Variants in GRIN3A observed in about 807,000 individuals in gnomAD.
GRIN3A encodes glutamate ionotropic receptor NMDA type subunit 3A, also known as glutamate receptor ionotropic, NMDA 3A.
A neutral mutation model predicts 92.4 loss-of-function variants in GRIN3A; 47 were observed. The ratio of observed to expected loss-of-function variants is 0.51; its 90% CI spans 0.40 to 0.65. The LOEUF (loss-of-function observed/expected upper bound fraction) is 0.65, where lower values mean the gene tolerates loss of function less well. GRIN3A is among the 30% of genes least tolerant of loss of function. The pLI is 0.00. For synonymous variants in GRIN3A, 527 were observed against 540.6 expected, an observed-to-expected ratio of 0.97 and a Z score of 0.35; for missense variants, 1,324 against 1,393.1, an observed-to-expected ratio of 0.95 and a Z score of 0.79.
At chr9:101,638,470 C>A (rs1394726021) in intron 3 of GRIN3A, among the ~76,000 whole-genome samples, 1 of 152,102 alleles carries the variant, frequency 6.6e-6, no homozygotes, top group African/African-American at 2.4e-5. Context: ...ATTGAAAATC[C>A]TCTTCAAATC....
At chr9:101,689,389 A>G (rs1001937263) in intron 1 of GRIN3A, among the ~76,000 whole-genome samples, 2 of 152,174 alleles carry the variant, frequency 1.3e-5, no homozygotes, top group Non-Finnish European at 2.9e-5. Flanking sequence ...GCTAAATAGG[A>G]AGTTGAATTA....
At chr9:101,644,105 C>CAT (rs1554719571) in intron 3 of GRIN3A, among the ~76,000 whole-genome samples, 4 of 151,732 alleles carry the variant, frequency 2.6e-5, no homozygotes, top group Non-Finnish European at 4.4e-5. Flanking sequence ...ACAATGTACA[C>CAT]ATATATAAAA....
At chr9:101,610,573 C>CTAT (rs1420789880) in intron 6 of GRIN3A, among the ~76,000 whole-genome samples, 16 of 144,174 alleles carry the variant, frequency 1.1e-4, no homozygotes, top group East Asian at 2.0e-4. Context: ...CAGCTTGCAT[C>CTAT]CATCTATCTA....
chr9:101,701,729 C>T (rs1829757602), intron 1 of GRIN3A, among the ~76,000 whole-genome samples: 1 of 152,154 alleles, frequency 6.6e-6, no homozygotes, highest in African/African-American at 2.4e-5. Context: ...AGCTTCTGCA[C>T]AGCAAAAGAA....
chr9:101,579,326 A>T lies in GRIN3A; in HGVS notation c.2801T>A (p.Leu934His). ...AAATCCAATGCACAGCAGCACAAAG[A>T]GCCCAGAGAAGTGTTTGATGCCCAT... ...LQMGIKHFSGLFVLLCIGFGL... is the reference protein window; with the variant it reads ...LQMGIKHFSGHFVLLCIGFGL... Residue 934 changes from leucine to histidine, a missense_variant, in exon 7 of 9, where the codon CTC (leucine) becomes CAC (histidine). By Grantham distance (99) the Leu-to-His change is moderately conservative. Transcript: ENST00000361820. 3.7e-6 allele frequency: 6 copies of T among 1,613,992 alleles called. No individual in the cohort carries two copies. Among genetic ancestry groups the T allele is most frequent in the Non-Finnish European group, 5.1e-6 (6 of 1,179,912 alleles).
Position 101,670,539 on chromosome 9 carries a change from C to G in GRIN3A, c.1873G>C (p.Ala625Pro), listed in dbSNP as rs770119518. 6.2e-7 allele frequency: 1 copy of G among 1,613,916 alleles called. No individual in the cohort carries two copies. Reference protein sequence around the residue: ...GLVGDLLRGTAHMAVTSFSIN... With the variant: ...GLVGDLLRGTPHMAVTSFSIN... ...CTAAAGGAAGTGACTGCCATGTGGG[C>G]AGTCCCTCTCAGGAGATCACCCACT... is the stretch of plus-strand genomic sequence containing the variant. The change falls in exon 3 of 9, where the codon GCC becomes CCC. Residue 625 changes from alanine (A) to proline (P), a missense_variant. Transcript: ENST00000361820.
chr9:101,601,006 TCATCA>T (rs1346866262), intron 6 of GRIN3A: 36 of 152,302 alleles, frequency 2.4e-4, no homozygotes, highest in African/African-American at 8.4e-4. Flanking sequence ...ACAAAACATG[TCATCA>T]GAGAGGTAAG....
Position 101,670,250 on chromosome 9 carries a change from T to C in GRIN3A, c.2162A>G (p.Asn721Ser), listed in dbSNP as rs758784929. The change falls in exon 3 of 9, where the codon AAC becomes AGC. Residue 721 changes from asparagine to serine, a missense_variant. Physicochemically the swap from Asn to Ser is conservative, Grantham distance 46. Transcript: ENST00000361820. ...GCCAAACAAGAGGGCATAACAGATG[T>C]TCAAGGCTGAAGAAAAGGAGAAGAC... is the stretch of plus-strand genomic sequence containing the variant. ...SKVFSFSSAL[N>S]ICYALLFGRT... The C allele has an allele frequency of 5.0e-6, 8 of 1,613,964 alleles. No individual in the cohort carries two copies. Among genetic ancestry groups the C allele is most frequent in the Admixed American group, 1.7e-5 (1 of 59,984 alleles).
intron 1 of GRIN3A, among the ~76,000 whole-genome samples, chr9:101,730,659 G>T (rs753427531): frequency 6.6e-6 from 1 of 151,844 alleles, no homozygotes; most frequent in Non-Finnish European, 1.5e-5. Context: ...ACATTATAAT[G>T]GTAATAATAT....
chr9:101,612,933 T>C (rs552353896), intron 6 of GRIN3A, among the ~76,000 whole-genome samples: 19 of 152,344 alleles, frequency 1.2e-4, no homozygotes, highest in African/African-American at 4.6e-4. Flanking sequence ...TTTTTCTACA[T>C]CCACAAAGGC....
Position 101,611,891 on chromosome 9 carries a change from A to G in GRIN3A, c.2766+1485T>C, listed in dbSNP as rs556502562. ...GAGATCTCAGCTGGAAGTTTATAAT[A>G]TAAAGGATTCAGCTGAGCAAGTGTC... On this transcript the variant is annotated intron_variant, in intron 6 of 8. Transcript: ENST00000361820. 2.2e-4 allele frequency among the ~76,000 whole-genome samples: 33 copies of G among 152,322 alleles called. No homozygotes were observed. In the South Asian group the frequency reaches 6.8e-3, roughly 32 times the overall value.
At chr9:101,697,495 C>T (rs1221903507) in intron 1 of GRIN3A, among the ~76,000 whole-genome samples, 3 of 152,156 alleles carry the variant, frequency 2.0e-5, no homozygotes, top group African/African-American at 7.2e-5. Flanking sequence ...GGAAGGTCTA[C>T]GTGAGCATTG....
intron 4 of GRIN3A, among the ~76,000 whole-genome samples, chr9:101,626,904 T>C (rs1034826742): frequency 3.3e-5 from 5 of 152,170 alleles, no homozygotes; most frequent in Non-Finnish European, 5.9e-5. Flanking sequence ...GAAGATTGCT[T>C]CCCTTCAGGC....
intron 1 of GRIN3A, among the ~76,000 whole-genome samples, chr9:101,722,626 C>T (rs117654852): frequency 0.011 from 1,663 of 152,276 alleles, 20 homozygotes; most frequent in Non-Finnish European, 0.015. Flanking sequence ...TTTGTATCAG[C>T]GGTACCTAGA....
chr9:101,661,589 A>G (rs1829172562), intron 3 of GRIN3A, among the ~76,000 whole-genome samples: 1 of 151,982 alleles, frequency 6.6e-6, no homozygotes, highest in South Asian at 2.1e-4. Context: ...AGCATATGGA[A>G]TATTATAAGT....
intron 1 of GRIN3A, among the ~76,000 whole-genome samples, chr9:101,717,733 G>C (rs1348982709): frequency 2.0e-5 from 3 of 151,864 alleles, no homozygotes; most frequent in African/African-American, 4.8e-5. Flanking sequence ...CAAAAATATA[G>C]AGAAATTCGC....
intron 1 of GRIN3A, among the ~76,000 whole-genome samples, chr9:101,724,053 C>G (rs373867097): frequency 1.3e-5 from 2 of 152,322 alleles, no homozygotes; most frequent in East Asian, 1.9e-4. Flanking sequence ...CTGGCTTCAC[C>G]CAGTGGATCC....
intron 3 of GRIN3A, among the ~76,000 whole-genome samples, chr9:101,631,553 G>GT (rs1361282579): frequency 2.6e-5 from 4 of 152,074 alleles, no homozygotes; most frequent in African/African-American, 9.7e-5. Flanking sequence ...CCAGCACATC[G>GT]TTCCTTTCCA....
intron 5 of GRIN3A, among the ~76,000 whole-genome samples, chr9:101,619,654 C>T (rs2118862997): frequency 6.6e-6 from 1 of 152,274 alleles, no homozygotes; most frequent in East Asian, 1.9e-4. Context: ...ACTCAGACTC[C>T]AGAGCCAGTG....
Sources: gnomAD v4.1 joint callset for allele counts (sites outside exome capture counted in the v4.1 genomes callset) on GRCh38, gnomAD v4.1.1 for gene constraint, MANE v1.5 for transcripts, NCBI Gene and HGNC (gene_info 2026-07-23, HGNC 2026-07-21) for gene names.